The following MMS22L variants were observed in gnomAD, a reference collection of about 807,000 sequenced individuals.
MMS22L encodes the protein MMS22 like, DNA repair protein.
MMS22L carries 74 observed loss-of-function variants against 159.1 expected under a neutral mutation model. The observed-to-expected ratio is 0.47, with a 90% confidence interval of 0.39 to 0.56. The LOEUF (loss-of-function observed/expected upper bound fraction) is 0.56. Among genes scored for constraint, MMS22L ranks in the 20% least tolerant of loss-of-function variants. The probability of loss-of-function intolerance (pLI) is 0.00; values close to 1 mark genes in which losing one functional copy is unlikely to be tolerated. For synonymous variants in MMS22L, 517 were observed against 506.9 expected (o/e 1.02, Z -0.27); for missense variants, 1,351 against 1,422.1 (o/e 0.95, Z 0.80).
chr6:97,159,906 C>T (rs930629316), intron 22 of MMS22L, among the ~76,000 whole-genome samples: 8 of 148,142 alleles, frequency 5.4e-5, no homozygotes, highest in East Asian at 2.0e-4. Flanking sequence ...ATTTTGGATA[C>T]GGAATACTCA....
intron 11 of MMS22L, among the ~76,000 whole-genome samples, chr6:97,241,065 A>C (rs1256922187): frequency 1.3e-5 from 2 of 152,210 alleles, no homozygotes; most frequent in Non-Finnish European, 2.9e-5. Flanking sequence ...TATGTTGGTT[A>C]GTTTTCCATT....
chr6:97,152,556 AC>A (rs1387113871), intron 22 of MMS22L, among the ~76,000 whole-genome samples: 1 of 152,104 alleles, frequency 6.6e-6, no homozygotes, highest in Non-Finnish European at 1.5e-5. Flanking sequence ...AATATAAGAA[AC>A]CAGAGAAAAA....
At chr6:97,261,768 C>T (rs372985432) in intron 9 of MMS22L, 1 of 152,146 alleles carries the variant, frequency 6.6e-6, no homozygotes, top group African/African-American at 2.4e-5. Context: ...TGGGTTTAGG[C>T]ATCCATCCAT....
At chr6:97,244,866 G>A (rs754248420) in intron 11 of MMS22L, among the ~76,000 whole-genome samples, 1 of 152,074 alleles carries the variant, frequency 6.6e-6, no homozygotes, top group Non-Finnish European at 1.5e-5. Flanking sequence ...GGCTTGATGC[G>A]ACCACTGTGG....
intron 2 of MMS22L, 140 bp from the exon 3 acceptor site, chr6:97,281,502 C>A: frequency 1.6e-6 from 1 of 619,700 alleles, no homozygotes; most frequent in Non-Finnish European, 2.7e-6. Flanking sequence ...TTTACACATT[C>A]AAGATTACAA....
At chr6:97,239,024 A>G (rs575298342) in intron 11 of MMS22L, among the ~76,000 whole-genome samples, 1 of 150,988 alleles carries the variant, frequency 6.6e-6, no homozygotes, top group African/African-American at 2.4e-5. Flanking sequence ...CCTATCAGAA[A>G]CCATCACAAG....
chr6:97,249,271 T>C (rs746442611), intron 10 of MMS22L, among the ~76,000 whole-genome samples: 1 of 152,194 alleles, frequency 6.6e-6, no homozygotes, highest in Non-Finnish European at 1.5e-5. Context: ...GAGAAAACAA[T>C]AGAAGTTCCA....
At position 97,278,912 on chromosome 6, in the gene MMS22L, T is replaced by A; in HGVS notation, c.291-14A>T. On this transcript the variant is annotated splice_polypyrimidine_tract_variant and intron_variant, in intron 3 of 24. Transcript: ENST00000683635. ...TACAGTTGTTGCCTAATTTTAAAAA[T>A]GTAAGGTGAGAGTTAATTTTAGAAC... 1.2e-6 allele frequency: 2 copies of A among 1,610,452 alleles called. No individual in the cohort carries two copies. The highest frequency in any genetic ancestry group is 1.7e-5 in the Admixed American group (1 of 59,484).
Position 97,268,722 on chromosome 6 carries a change from T to C in MMS22L, c.698-720A>G, listed in dbSNP as rs541551441. Reference sequence around the variant, plus strand: ...CATAAAATAGGGCAAACCAAGGTAATAGATAACCAAAATTTTTACTTATCA... The same window carrying C: ...CATAAAATAGGGCAAACCAAGGTAACAGATAACCAAAATTTTTACTTATCA... On this transcript the variant is annotated intron_variant, in intron 7 of 24. Transcript: ENST00000683635. 2.7e-3 allele frequency among the ~76,000 whole-genome samples: 416 copies of C among 152,202 alleles called. 3 individuals carry two copies. The highest frequency in any genetic ancestry group is 4.6e-3 in the Non-Finnish European group (311 of 67,988).
intron 14 of MMS22L, among the ~76,000 whole-genome samples, chr6:97,217,979 T>C (rs4412206): frequency 0.64 from 97,425 of 151,930 alleles, 32,839 homozygotes; most frequent in Non-Finnish European, 0.76. Flanking sequence ...AAAGTGTTCC[T>C]GCAGACCCAG....
chr6:97,150,974 C>A (rs1290350887), intron 23 of MMS22L, among the ~76,000 whole-genome samples: 5 of 152,150 alleles, frequency 3.3e-5, no homozygotes, highest in Non-Finnish European at 1.5e-5. Context: ...AATAGATCTA[C>A]TTCTATAAAG....
chr6:97,220,549 A>G (rs1451139456), intron 14 of MMS22L, among the ~76,000 whole-genome samples: 5 of 152,136 alleles, frequency 3.3e-5, no homozygotes, highest in Admixed American at 3.3e-4. Context: ...GAAGGAAGGC[A>G]TTGGAGGCAG....
At chr6:97,217,179 A>G (rs1329203255) in intron 14 of MMS22L, among the ~76,000 whole-genome samples, 1 of 152,128 alleles carries the variant, frequency 6.6e-6, no homozygotes, top group African/African-American at 2.4e-5. Context: ...GCTCTATTCT[A>G]TTCTATGCTT....
At chr6:97,205,352 T>G (rs1304261714) in intron 14 of MMS22L, among the ~76,000 whole-genome samples, 1 of 152,152 alleles carries the variant, frequency 6.6e-6, no homozygotes, top group Non-Finnish European at 1.5e-5. Context: ...ATTCTTCCTG[T>G]TGTTTTACAA....
intron 16 of MMS22L, 54 bp downstream of exon 16, chr6:97,181,850 A>G: frequency 6.4e-7 from 1 of 1,553,252 alleles, no homozygotes. Context: ...TTCCTAGGAT[A>G]CTGATCTGTC....
At chr6:97,182,816 G>A (rs1222664923) in intron 15 of MMS22L, among the ~76,000 whole-genome samples, 2 of 151,970 alleles carry the variant, frequency 1.3e-5, no homozygotes, top group African/African-American at 2.4e-5. Flanking sequence ...AAAATTGCTA[G>A]CTTTGAATTT....
chr6:97,254,048 T>G (rs1201681048), intron 10 of MMS22L: 1 of 152,586 alleles, frequency 6.6e-6, no homozygotes, highest in African/African-American at 2.4e-5. Context: ...ATTAATATAC[T>G]AGTTAAAATC....
intron 14 of MMS22L, among the ~76,000 whole-genome samples, chr6:97,218,237 G>C (rs1031151349): frequency 6.6e-6 from 1 of 152,110 alleles, no homozygotes; most frequent in Non-Finnish European, 1.5e-5. Context: ...CTACCCATGG[G>C]TACTTAGAAG....
intron 14 of MMS22L, among the ~76,000 whole-genome samples, chr6:97,208,433 G>A (rs896231857): frequency 6.6e-6 from 1 of 151,812 alleles, no homozygotes; most frequent in African/African-American, 2.4e-5. Flanking sequence ...ACAAATTCCC[G>A]GCCCTCAATA....
Sources: allele counts gnomAD v4.1 joint callset (sites outside exome capture counted in the v4.1 genomes callset), GRCh38; gene constraint gnomAD v4.1.1; transcripts MANE v1.5; gene names NCBI Gene and HGNC (gene_info 2026-07-23, HGNC 2026-07-21).